TTLL9: variants seen among roughly 807,000 people sequenced by gnomAD.
TTLL9 encodes tubulin tyrosine ligase like 9.
In TTLL9, 47 loss-of-function variants were observed where a neutral mutation model predicts 65.6. That is an observed-to-expected ratio of 0.72 (90% CI 0.57 to 0.91). TTLL9 has a LOEUF of 0.91. Ranked by LOEUF, TTLL9 falls within the 40% of genes least tolerant of loss-of-function variation. TTLL9 has a pLI of 0.00. For missense variants in TTLL9, 537 were observed against 568.8 expected (o/e 0.94, Z 0.57); for synonymous variants, 179 against 204.8 (o/e 0.87, Z 1.07).
At chr20:31,894,251 G>A (rs569636062) in intron 3 of TTLL9, among the ~76,000 whole-genome samples, 27 of 150,924 alleles carry the variant, frequency 1.8e-4, no homozygotes, top group African/African-American at 4.9e-4. Context: ...CTACAGGCAC[G>A]TACCACCATG....
intron 3 of TTLL9, among the ~76,000 whole-genome samples, chr20:31,891,995 G>C (rs2063314272): frequency 6.6e-6 from 1 of 151,694 alleles, no homozygotes; most frequent in South Asian, 2.1e-4. Flanking sequence ...TACAGATGGG[G>C]TTTCACCATG....
At chr20:31,879,646 A>G in intron 2 of TTLL9, 1 of 587,116 alleles carries the variant, frequency 1.7e-6, no homozygotes, top group Non-Finnish European at 3.0e-6. Context: ...AGGGTCGCGG[A>G]GAGGCGAGGC....
chr20:31,897,231 A>G (rs2063400328), intron 3 of TTLL9, among the ~76,000 whole-genome samples: 1 of 152,194 alleles, frequency 6.6e-6, no homozygotes, highest in African/African-American at 2.4e-5. Context: ...CAAATTACCT[A>G]TTTCATATTG....
chr20:31,889,972 C>CTCTCTT (rs1434636252), intron 3 of TTLL9, among the ~76,000 whole-genome samples: 1 of 113,862 alleles, frequency 8.8e-6, no homozygotes, highest in African/African-American at 3.3e-5. Flanking sequence ...CCACATCTCT[C>CTCTCTT]TCTTTCTTTC....
chr20:31,878,203 T>A (rs1365730108), intron 2 of TTLL9, among the ~76,000 whole-genome samples: 4 of 152,200 alleles, frequency 2.6e-5, no homozygotes, highest in Admixed American at 6.5e-5. Context: ...TGGATTGATT[T>A]AAAAAACAAA....
rs1339874619 is a variant in TTLL9 at position 31,909,897 on chromosome 20, C to A, written c.479C>A (p.Pro160Gln). Residue 160 changes from proline to glutamine, a missense_variant, in exon 6 of 15, where the codon CCA (proline) becomes CAA (glutamine). By Grantham distance (76) the Pro-to-Gln change is moderately conservative. This residue lies in a region of TTLL9 where 320 missense variants were observed against 311.0 expected (regional missense o/e 1.03). Coordinates refer to ENST00000535842, the MANE Select transcript of TTLL9 (RefSeq NM_001008409.5). Reference protein sequence around the residue: ...HLFVEEFRKNPGITWIMKPVA... With the variant: ...HLFVEEFRKNQGITWIMKPVA... ...TTTGTAGAGGAGTTTCGCAAAAACCCAGGAATCACCTGGATCATGAAGCCT... is the reference window on the plus strand; with the variant it reads ...TTTGTAGAGGAGTTTCGCAAAAACCAAGGAATCACCTGGATCATGAAGCCT... The A allele has an allele frequency of 7.4e-6, 12 of 1,613,692 alleles. No homozygotes were observed. Among genetic ancestry groups the A allele is most frequent in the Non-Finnish European group, 9.3e-6 (11 of 1,179,870 alleles).
chr20:31,934,871 C>G lies in TTLL9; in HGVS notation c.987C>G (p.Ile329Met), dbSNP rs750794913. The change falls in exon 12 of 15, where the codon ATC becomes ATG. Residue 329 changes from isoleucine to methionine, a missense_variant. Physicochemically the swap from Ile to Met is conservative, Grantham distance 10. Transcript: ENST00000535842. ...AGCTGTACGGCTATGACATCCTCAT[C>G]GACCAGGACCTCAAGCCGTAAGTGG... The part of the protein sequence containing the change: ...CFELYGYDIL[I>M]DQDLKPWLLE... The G allele has an allele frequency of 5.6e-6, 9 of 1,611,606 alleles. No individual in the cohort carries two copies. The East Asian group carries it at 1.8e-4, about 32-fold the overall frequency.
At chr20:31,935,962 GGACCACA>G (rs1190396248) in intron 12 of TTLL9, among the ~76,000 whole-genome samples, 2 of 152,222 alleles carry the variant, frequency 1.3e-5, no homozygotes, top group African/African-American at 2.4e-5. Flanking sequence ...TGGCTGCACA[GGACCACA>G]GATGGCTACG....
At chr20:31,889,982 CTTTCT>C (rs1280231819) in intron 3 of TTLL9, among the ~76,000 whole-genome samples, 1 of 94,830 alleles carries the variant, frequency 1.1e-5, no homozygotes, top group South Asian at 3.4e-4. Flanking sequence ...CTCTTTCTTT[CTTTCT>C]TTCTTTCTTT....
intron 8 of TTLL9, among the ~76,000 whole-genome samples, chr20:31,924,311 A>G (rs2063858952): frequency 6.6e-6 from 1 of 151,926 alleles, no homozygotes; most frequent in Non-Finnish European, 1.5e-5. Flanking sequence ...CAAAACCCCA[A>G]AACTGCATGG....
At chr20:31,909,011 A>T (rs2063602621) in intron 5 of TTLL9, among the ~76,000 whole-genome samples, 1 of 151,990 alleles carries the variant, frequency 6.6e-6, no homozygotes, top group Admixed American at 6.6e-5. Context: ...GGGTGGAGGC[A>T]AGTTGAGAAG....
chr20:31,943,585 C>A lies in TTLL9; in HGVS notation c.*564C>A, dbSNP rs1033093946. ...GGGAAGTACTGAGCCCTAAACACAT[C>A]CTCTTCTCCTTGCATGTCAGGGGAG... On this transcript the variant is annotated 3_prime_UTR_variant, in exon 15 of 15. Transcript: ENST00000535842. 5 of 368,864 alleles carry A rather than the reference C, an allele frequency of 1.4e-5. No homozygotes were observed. The highest frequency in any genetic ancestry group is 3.6e-5 in the Admixed American group (1 of 27,576). The allele number at this position is 368,864 out of a possible 1,614,324, so 22.8% of individuals were successfully genotyped here.
chr20:31,914,080 C>G (rs939984002), intron 6 of TTLL9, among the ~76,000 whole-genome samples: 1 of 152,244 alleles, frequency 6.6e-6, no homozygotes, highest in African/African-American at 2.4e-5. Context: ...TCTTGGCAAC[C>G]AGGGGGCTGT....
intron 8 of TTLL9, 23 bp downstream of exon 8, chr20:31,923,076 T>C (rs1282702062): frequency 5.1e-6 from 8 of 1,561,428 alleles, no homozygotes; most frequent in Non-Finnish European, 7.1e-6. Context: ...TGTCTGCTCC[T>C]GCTCTTCCAT....
At chr20:31,932,344 T>G (rs2064030427) in intron 10 of TTLL9, among the ~76,000 whole-genome samples, 2 of 151,830 alleles carry the variant, frequency 1.3e-5, no homozygotes, top group African/African-American at 4.8e-5. Flanking sequence ...TGATGGTGCT[T>G]GCCTGTAGTC....
intron 2 of TTLL9, among the ~76,000 whole-genome samples, chr20:31,875,259 A>G (rs2063021888): frequency 6.6e-6 from 1 of 152,194 alleles, no homozygotes; most frequent in Non-Finnish European, 1.5e-5. Flanking sequence ...GGTCTGTAGT[A>G]AGAATAAATG....
At chr20:31,936,797 T>C (rs2123636195) in intron 12 of TTLL9, among the ~76,000 whole-genome samples, 1 of 152,288 alleles carries the variant, frequency 6.6e-6, no homozygotes, top group Admixed American at 6.5e-5. Flanking sequence ...CTTTCTACAT[T>C]TGAGTTACCT....
chr20:31,901,345 G>A (rs1244517745), intron 4 of TTLL9: 2 of 152,130 alleles, frequency 1.3e-5, no homozygotes, highest in African/African-American at 2.4e-5. Context: ...TGACCCCTGC[G>A]ATTTTCTCCA....
intron 11 of TTLL9, 52 bp downstream of exon 11, chr20:31,933,910 CG>C: frequency 1.3e-6 from 2 of 1,555,754 alleles, no homozygotes; most frequent in Middle Eastern, 1.7e-4. Context: ...GGCGCCAGGT[CG>C]GGGTGGGGAG....
Sources: allele counts gnomAD v4.1 joint callset (sites outside exome capture counted in the v4.1 genomes callset), GRCh38; gene constraint gnomAD v4.1.1; regional missense constraint gnomAD v4.1.1; transcripts MANE v1.5; gene names NCBI Gene and HGNC (gene_info 2026-07-23, HGNC 2026-07-21).